Variants in CSMD1 observed in about 807,000 individuals in gnomAD.
The protein encoded by CSMD1 is CUB and sushi domain-containing protein 1.
Under a neutral mutation model 417.5 loss-of-function variants are expected in CSMD1, and 213 were observed. That is an observed-to-expected ratio of 0.51 (90% confidence interval 0.46 to 0.57). CSMD1 has a LOEUF of 0.57. Among genes scored for constraint, CSMD1 ranks in the 20% least tolerant of loss-of-function variants. CSMD1 has a pLI of 0.00. For missense variants in CSMD1, 6,923 were observed against 4,529.7 expected (o/e 1.53, Z -15.17); for synonymous variants, 2,862 against 1,736.8 (o/e 1.65, Z -16.11).
chr8:4,197,496 C>G (rs986299071), intron 3 of CSMD1, among the ~76,000 whole-genome samples: 8 of 152,192 alleles, frequency 5.3e-5, no homozygotes, highest in African/African-American at 1.7e-4. Context: ...GGAAAACTGA[C>G]TCTCTGTCAA....
chr8:4,933,584 G>A (rs926420933), intron 1 of CSMD1, among the ~76,000 whole-genome samples: 3 of 152,168 alleles, frequency 2.0e-5, no homozygotes, highest in South Asian at 2.1e-4. Context: ...TGGAAGTTTT[G>A]CAACAAGCCT....
At chr8:3,110,026 G>A (rs1221491582) in intron 43 of CSMD1, 132 bp downstream of exon 43, 14 of 743,630 alleles carry the variant, frequency 1.9e-5, no homozygotes, top group East Asian at 2.9e-5. Context: ...TCTGGATTTC[G>A]TTGGTGAATT....
intron 10 of CSMD1, among the ~76,000 whole-genome samples, chr8:3,497,278 C>T (rs1323016419): frequency 6.6e-6 from 1 of 152,164 alleles, no homozygotes; most frequent in African/African-American, 2.4e-5. Flanking sequence ...ATATTGGAGT[C>T]TATCTCTCCC....
intron 9 of CSMD1, among the ~76,000 whole-genome samples, chr8:3,579,077 T>G (rs556224944): frequency 6.6e-6 from 1 of 152,236 alleles, no homozygotes; most frequent in Non-Finnish European, 1.5e-5. Context: ...TACGACCTAA[T>G]GTACACCTGA....
At chr8:4,328,807 A>G (rs1235442096) in intron 3 of CSMD1, among the ~76,000 whole-genome samples, 1 of 152,248 alleles carries the variant, frequency 6.6e-6, no homozygotes, top group Non-Finnish European at 1.5e-5. Flanking sequence ...ATAAACTTCC[A>G]AAAATAACAC....
chr8:3,153,327 G>T (rs1004947264), intron 39 of CSMD1, among the ~76,000 whole-genome samples: 5 of 152,152 alleles, frequency 3.3e-5, no homozygotes, highest in African/African-American at 1.2e-4. Context: ...CATAAAAATG[G>T]GCAACCAGCA....
rs567617580 is a variant in CSMD1, at chr8:4,466,855, G to A, written c.303-46790C>T. 6.6e-5 allele frequency among the ~76,000 whole-genome samples: 10 copies of A among 152,094 alleles called. No homozygotes were observed. The East Asian group carries it at 1.5e-3, about 24-fold the overall frequency. ...GAGAGCAGGGGAAACATTATTCCAAGATGACTTCAGCGATGAGACTAAGGT... is the reference window on the plus strand; with the variant it reads ...GAGAGCAGGGGAAACATTATTCCAAAATGACTTCAGCGATGAGACTAAGGT... On this transcript the variant is annotated intron_variant, in intron 2 of 69. Coordinates refer to ENST00000635120, the MANE Select transcript of CSMD1 (RefSeq NM_033225.6).
At chr8:3,695,641 T>C (rs1290357948) in intron 7 of CSMD1, among the ~76,000 whole-genome samples, 1 of 152,046 alleles carries the variant, frequency 6.6e-6, no homozygotes, top group Admixed American at 6.6e-5. Flanking sequence ...AGAAAGGAAA[T>C]TTAGGTCGAA....
intron 2 of CSMD1, among the ~76,000 whole-genome samples, chr8:4,484,787 G>A (rs1340308754): frequency 1.3e-5 from 2 of 151,884 alleles, no homozygotes; most frequent in South Asian, 2.1e-4. Context: ...GGCTAACACG[G>A]TGAAACCCCG....
intron 1 of CSMD1, among the ~76,000 whole-genome samples, chr8:4,815,878 G>C (rs1799177623): frequency 6.6e-6 from 1 of 152,114 alleles, no homozygotes; most frequent in East Asian, 1.9e-4. Context: ...GGACTGCTTT[G>C]TGTGAATTGG....
intron 49 of CSMD1, among the ~76,000 whole-genome samples, chr8:3,085,752 G>T (rs895097209): frequency 1.3e-5 from 2 of 152,284 alleles, no homozygotes; most frequent in African/African-American, 4.8e-5. Flanking sequence ...ACCATTCACT[G>T]AAAGGGTAAG....
At chr8:3,359,095 G>A (rs1462293143) in intron 21 of CSMD1, 57 bp downstream of exon 21, 2 of 1,558,140 alleles carry the variant, frequency 1.3e-6, no homozygotes, top group East Asian at 2.2e-5. Context: ...TAGGCTTCTT[G>A]CCTGGGCTAG....
chr8:2,985,140 T>C (rs1487300377), intron 54 of CSMD1, among the ~76,000 whole-genome samples: 2 of 152,186 alleles, frequency 1.3e-5, no homozygotes, highest in Admixed American at 6.5e-5. Flanking sequence ...AATTTTTATG[T>C]CACAAAAATT....
At chr8:4,357,533 T>G (rs1162162342) in intron 3 of CSMD1, among the ~76,000 whole-genome samples, 1 of 152,172 alleles carries the variant, frequency 6.6e-6, no homozygotes, top group African/African-American at 2.4e-5. Context: ...TCTAAGTAAG[T>G]TGGAAATGCA....
chr8:3,158,752 T>C (rs79529095), intron 38 of CSMD1, among the ~76,000 whole-genome samples: 2,174 of 152,224 alleles, frequency 0.014, 57 homozygotes, highest in African/African-American at 0.05. Context: ...TATTTTTATA[T>C]TTTTCCTGAT....
intron 2 of CSMD1, among the ~76,000 whole-genome samples, chr8:4,600,181 G>T (rs1001853414): frequency 6.6e-6 from 1 of 151,822 alleles, no homozygotes; most frequent in Non-Finnish European, 1.5e-5. Flanking sequence ...GAACAGGAGT[G>T]CAAATGTCAA....
At chr8:3,213,163 A>C (rs1222018124) in intron 30 of CSMD1, among the ~76,000 whole-genome samples, 1 of 152,264 alleles carries the variant, frequency 6.6e-6, no homozygotes, top group East Asian at 1.9e-4. Context: ...ATTTGGCCTG[A>C]AGCTGCCAGT....
intron 3 of CSMD1, among the ~76,000 whole-genome samples, chr8:4,376,986 A>G (rs1027419181): frequency 1.3e-5 from 2 of 152,210 alleles, no homozygotes; most frequent in African/African-American, 2.4e-5. Context: ...CCAGCATGGC[A>G]GAAGCTGTGC....
chr8:3,369,715 C>G (rs1809828590), intron 18 of CSMD1, among the ~76,000 whole-genome samples: 1 of 152,146 alleles, frequency 6.6e-6, no homozygotes, highest in Non-Finnish European at 1.5e-5. Flanking sequence ...AGTTCAAATC[C>G]CCTCAACAAA....
Sources: allele counts gnomAD v4.1 joint callset (sites outside exome capture counted in the v4.1 genomes callset), GRCh38; gene constraint gnomAD v4.1.1; transcripts MANE v1.5; gene names NCBI Gene and HGNC (gene_info 2026-07-23, HGNC 2026-07-21).